The following STAU2 variants were observed in gnomAD, a reference collection of about 807,000 sequenced individuals.
STAU2 encodes the protein double-stranded RNA-binding protein Staufen homolog 2.
A neutral mutation model predicts 65.9 loss-of-function variants in STAU2; 20 were observed. The ratio of observed to expected loss-of-function variants is 0.30; its 90% CI spans 0.21 to 0.44. STAU2 has a LOEUF of 0.44. Among genes scored for constraint, STAU2 ranks in the 20% least tolerant of loss-of-function variants. The pLI, the probability that STAU2 is intolerant of heterozygous loss-of-function variation, is 1.00. For synonymous variants in STAU2, 232 were observed against 233.9 expected (o/e 0.99, Z 0.07); for missense variants, 558 against 683.9 (o/e 0.82, Z 2.05).
At chr8:73,713,721 T>C (rs1028906982) in intron 3 of STAU2, among the ~76,000 whole-genome samples, 2 of 152,092 alleles carry the variant, frequency 1.3e-5, no homozygotes, top group African/African-American at 2.4e-5. Context: ...TAAAACTATG[T>C]GACCAGAATT....
intron 6 of STAU2, among the ~76,000 whole-genome samples, chr8:73,640,402 C>T (rs1586174482): frequency 1.3e-5 from 2 of 151,950 alleles, no homozygotes; most frequent in South Asian, 4.2e-4. Flanking sequence ...ACTTATAATC[C>T]CATACACTCT....
chr8:73,627,233 A>AGGGGGGG (rs1563467228), intron 6 of STAU2, among the ~76,000 whole-genome samples: 62 of 5,072 alleles, frequency 0.012, no homozygotes, highest in Middle Eastern at 0.17. Flanking sequence ...AGGGGGGGGC[A>AGGGGGGG]GGAGGGCGGG....
At chr8:73,506,088 C>G (rs1822050165) in intron 13 of STAU2, among the ~76,000 whole-genome samples, 1 of 151,416 alleles carries the variant, frequency 6.6e-6, no homozygotes, top group South Asian at 2.1e-4. Flanking sequence ...GAACTATGAG[C>G]TAATGAACCC....
intron 6 of STAU2, among the ~76,000 whole-genome samples, chr8:73,620,166 A>G (rs73686860): frequency 0.23 from 34,355 of 152,130 alleles, 4,480 homozygotes; most frequent in East Asian, 0.37. Flanking sequence ...TCTTCACTTC[A>G]TATTTCTCAA....
intron 3 of STAU2, among the ~76,000 whole-genome samples, chr8:73,712,840 T>C (rs1820994213): frequency 6.6e-6 from 1 of 152,116 alleles, no homozygotes; most frequent in African/African-American, 2.4e-5. Flanking sequence ...CCTGTACTCC[T>C]TGACACTCAG....
intron 6 of STAU2, among the ~76,000 whole-genome samples, chr8:73,617,930 A>C (rs1296854342): frequency 1.3e-5 from 2 of 152,250 alleles, no homozygotes; most frequent in Non-Finnish European, 2.9e-5. Flanking sequence ...CATAAGAATA[A>C]GGAGTTTAGG....
chr8:73,649,279 G>T (rs552527619), intron 6 of STAU2, among the ~76,000 whole-genome samples: 1 of 152,116 alleles, frequency 6.6e-6, no homozygotes, highest in East Asian at 1.9e-4. Context: ...CCAATAAGTG[G>T]CATTTTTCCA....
At chr8:73,635,852 G>A (rs28725495) in intron 6 of STAU2, among the ~76,000 whole-genome samples, 12,533 of 151,450 alleles carry the variant, frequency 0.083, 593 homozygotes, top group Middle Eastern at 0.15. Flanking sequence ...TCTGGAGAGA[G>A]AGGGAGCTTC....
At chr8:73,722,481 A>ACATCTTTATCT (rs1405379343) in intron 3 of STAU2, among the ~76,000 whole-genome samples, 5 of 152,162 alleles carry the variant, frequency 3.3e-5, no homozygotes, top group Non-Finnish European at 7.4e-5. Flanking sequence ...TGTGTTGTAA[A>ACATCTTTATCT]CATCTTTATC....
intron 1 of STAU2, among the ~76,000 whole-genome samples, 156 bp downstream of exon 1, chr8:73,746,627 G>A (rs1316762320): frequency 6.6e-6 from 1 of 151,996 alleles, no homozygotes; most frequent in Non-Finnish European, 1.5e-5. Context: ...GCCCGATGTG[G>A]GAGGGAAGGC....
At chr8:73,607,760 A>G (rs959706379) in intron 9 of STAU2, among the ~76,000 whole-genome samples, 1 of 151,970 alleles carries the variant, frequency 6.6e-6, no homozygotes, top group Non-Finnish European at 1.5e-5. Context: ...AAAAGCAAAA[A>G]TTCTTGGAAA....
intron 6 of STAU2, among the ~76,000 whole-genome samples, chr8:73,637,487 A>G (rs1306579720): frequency 7.1e-6 from 1 of 140,416 alleles, no homozygotes; most frequent in Non-Finnish European, 1.5e-5. Flanking sequence ...TAAAAAAAAA[A>G]AAAAAAAAAA....
chr8:73,562,490 G>A (rs1171816035), intron 12 of STAU2, among the ~76,000 whole-genome samples: 1 of 152,118 alleles, frequency 6.6e-6, no homozygotes, highest in African/African-American at 2.4e-5. Context: ...AAAAGATAGA[G>A]AGAGAGAGAG....
chr8:73,507,163 T>C (rs1211420533), intron 13 of STAU2, among the ~76,000 whole-genome samples: 3 of 150,494 alleles, frequency 2.0e-5, no homozygotes, highest in Non-Finnish European at 3.0e-5. Context: ...CTTAATGGCA[T>C]ACAGAATGGT....
rs368493338 is a variant in STAU2, at chr8:73,582,845, C to G, written c.1162-15G>C. 5.6e-6 allele frequency: 9 copies of G among 1,596,710 alleles called. No homozygotes were observed. In the Middle Eastern group the frequency reaches 1.3e-3, roughly 237 times the overall value. On this transcript the variant is annotated splice_polypyrimidine_tract_variant and intron_variant, in intron 11 of 14. Coordinates refer to ENST00000524300, the MANE Select transcript of STAU2 (RefSeq NM_001164380.2). ...TTTTCCCCTGTCTGAAAGATTAAATCAATCGTTCAAATCCAGAGAAACAAG... is the reference window on the plus strand; with the variant it reads ...TTTTCCCCTGTCTGAAAGATTAAATGAATCGTTCAAATCCAGAGAAACAAG...
At chr8:73,747,105 G>C (rs1295439524), upstream of STAU2, among the ~76,000 whole-genome samples, 3 of 151,890 alleles carry the variant, frequency 2.0e-5, no homozygotes, top group South Asian at 4.1e-4. Context: ...GGCGGCTGCC[G>C]GGCCCCAGCA....
intron 12 of STAU2, among the ~76,000 whole-genome samples, chr8:73,570,390 A>G (rs1190028642): frequency 6.6e-6 from 1 of 152,208 alleles, no homozygotes; most frequent in Non-Finnish European, 1.5e-5. Flanking sequence ...AACACTCTGC[A>G]GGATATTATC....
chr8:73,630,053 A>T (rs1813974667), intron 6 of STAU2, among the ~76,000 whole-genome samples: 1 of 152,250 alleles, frequency 6.6e-6, no homozygotes, highest in Non-Finnish European at 1.5e-5. Context: ...CTAAAATAGT[A>T]CAGTACTTGG....
intron 13 of STAU2, among the ~76,000 whole-genome samples, chr8:73,485,950 T>C (rs1033075968): frequency 2.6e-5 from 4 of 152,082 alleles, no homozygotes; most frequent in African/African-American, 7.2e-5. Context: ...AATTAGGTAA[T>C]TTGGCCAAAG....
Sources: gnomAD v4.1 joint callset for allele counts (sites outside exome capture counted in the v4.1 genomes callset) on GRCh38, gnomAD v4.1.1 for gene constraint, MANE v1.5 for transcripts, NCBI Gene and HGNC (gene_info 2026-07-23, HGNC 2026-07-21) for gene names.